The following SIK3 variants were observed in gnomAD, a reference collection of about 807,000 sequenced individuals.
SIK3 encodes the protein serine/threonine-protein kinase SIK3.
In SIK3, 28 loss-of-function variants were observed where a neutral mutation model predicts 144.2. The ratio of observed to expected loss-of-function variants is 0.19; its 90% confidence interval spans 0.14 to 0.27. SIK3 has a LOEUF of 0.27. SIK3 is among the 10% of genes least tolerant of loss of function. The pLI, the probability that SIK3 is intolerant of heterozygous loss-of-function variation, is 1.00. For missense variants in SIK3, 1,319 were observed against 1,776.0 expected (o/e 0.74, Z 4.62); for synonymous variants, 686 against 676.3 (o/e 1.01, Z -0.22).
At chr11:116,924,419 A>G (rs1213849281) in intron 4 of SIK3, among the ~76,000 whole-genome samples, 2 of 152,184 alleles carry the variant, frequency 1.3e-5, no homozygotes, top group African/African-American at 4.8e-5. Context: ...GGAAAATAAA[A>G]CTAGAGAATA....
intron 1 of SIK3, among the ~76,000 whole-genome samples, chr11:117,084,635 G>A (rs1350814849): frequency 6.6e-6 from 1 of 152,032 alleles, no homozygotes. Flanking sequence ...ATTTATACCA[G>A]TTGCTCATTA....
Position 116,846,301 on chromosome 11 carries a change from A to G in SIK3, c.*13+82T>C, listed in dbSNP as rs940349028. ...TGTCGACTGCACTGGCCACCACAAC[A>G]CATGGGCTGAAGCTCCTGATGGGAT... On this transcript the variant is annotated intron_variant, in intron 24 of 24. Transcript: ENST00000445177. This position sits in a 1 kb window ranked among gnomAD's most constrained non-coding sequence, Gnocchi z 4.1. 5 of 1,458,894 alleles carry G rather than the reference A, an allele frequency of 3.4e-6. No individual in the cohort carries two copies. In the African/African-American group the frequency reaches 7.0e-5, roughly 20 times the overall value. 90.4% of individuals were successfully genotyped at this position (1,458,894 alleles called of 1,614,324 possible).
At position 116,858,297 on chromosome 11, in the gene SIK3, TTGCTGCTGC is replaced by T; in HGVS notation, c.3159_3167del (p.Gln1059_Gln1061del). 1.2e-6 allele frequency: 2 copies of T among 1,612,160 alleles called. No individual in the cohort carries two copies. The highest frequency in any genetic ancestry group is 1.1e-5 in the South Asian group (1 of 90,916). On this transcript the variant is annotated inframe_deletion, in exon 21 of 25. Coordinates refer to ENST00000445177, the MANE Select transcript of SIK3 (RefSeq NM_001366686.3). This position sits in a 1 kb window ranked among gnomAD's most constrained non-coding sequence, Gnocchi z 5.4. The stretch of plus-strand genomic sequence containing the variant: ...CCTGGTATTCTTGCTGTTGCTGCTG[TTGCTGCTGC>T]TGCTGCCGTTGTTGCTGCTGCCTTT...
intron 1 of SIK3, among the ~76,000 whole-genome samples, chr11:117,018,320 C>T (rs1179765337): frequency 6.6e-6 from 1 of 152,164 alleles, no homozygotes; most frequent in Non-Finnish European, 1.5e-5. Flanking sequence ...GGGATGAAAA[C>T]AAATCCACAT....
intron 5 of SIK3, 31 bp downstream of exon 5, chr11:116,897,162 C>T: frequency 6.2e-7 from 1 of 1,608,408 alleles, no homozygotes; most frequent in South Asian, 1.1e-5. Context: ...GTAGCTAATG[C>T]TGTGGGGTAT....
chr11:116,913,447 C>T (rs549535095), intron 4 of SIK3, among the ~76,000 whole-genome samples: 4 of 152,058 alleles, frequency 2.6e-5, no homozygotes, highest in African/African-American at 9.6e-5. Flanking sequence ...AGTAATAAAC[C>T]AGTCTTCTCC....
At chr11:116,871,117 CAT>C (rs1297394523) in intron 13 of SIK3, among the ~76,000 whole-genome samples, 3 of 152,174 alleles carry the variant, frequency 2.0e-5, no homozygotes, top group Non-Finnish European at 2.9e-5. Flanking sequence ...CTCGCCAAAA[CAT>C]GTGAGTGAAA....
chr11:116,896,353 C>G lies in SIK3; in HGVS notation c.765G>C (p.Val255=). 1 of 1,613,988 alleles carries G rather than the reference C, an allele frequency of 6.2e-7. No individual in the cohort carries two copies. The highest frequency in any genetic ancestry group is 8.5e-7 in the Non-Finnish European group (1 of 1,179,930). Residue 255 remains valine, a synonymous_variant, in exon 6 of 25, where the codon GTG becomes GTC. Coordinates refer to ENST00000445177, the MANE Select transcript of SIK3 (RefSeq NM_001366686.3). ...DIWSLGVVLY[V]LVCGALPFDG... The stretch of plus-strand genomic sequence containing the variant: ...CAAATGGCAGGGCACCGCACACAAG[C>G]ACGTAGAGGACAACTCCAAGGCTCT...
chr11:117,036,069 T>A, intron 1 of SIK3: 1 of 969,924 alleles, frequency 1.0e-6, no homozygotes, highest in East Asian at 2.5e-5. Flanking sequence ...TGTGGGTAGG[T>A]CATCACCGCC....
At position 116,951,625 on chromosome 11, in the gene SIK3, A is replaced by G. The variant is rs901958251; in HGVS notation, c.454+2419T>C. ...TACATTCACATGAAGTCCAGGACCAAGAAACGGATCTCTCTAATACTGCTT... is the reference window on the plus strand; with the variant it reads ...TACATTCACATGAAGTCCAGGACCAGGAAACGGATCTCTCTAATACTGCTT... On this transcript the variant is annotated intron_variant, in intron 3 of 24. Transcript: ENST00000445177. Among the ~76,000 whole-genome samples, 21 of 152,280 alleles carry G rather than the reference A, an allele frequency of 1.4e-4. No homozygotes were observed. The East Asian group carries it at 3.7e-3, about 27-fold the overall frequency.
chr11:117,027,155 A>G (rs76383990), intron 1 of SIK3, among the ~76,000 whole-genome samples: 3,743 of 152,314 alleles, frequency 0.025, 85 homozygotes, highest in South Asian at 0.11. Flanking sequence ...ACAGCTTTAA[A>G]TGCTCAATCT....
chr11:116,970,846 T>C (rs556513574), intron 1 of SIK3, among the ~76,000 whole-genome samples: 93 of 151,200 alleles, frequency 6.2e-4, no homozygotes, highest in Middle Eastern at 7.1e-3. Flanking sequence ...AGGGTCTTGC[T>C]CTTTTGCCCA....
chr11:117,049,022 A>G (rs572106541), intron 1 of SIK3, among the ~76,000 whole-genome samples: 419 of 152,146 alleles, frequency 2.8e-3, no homozygotes, highest in Non-Finnish European at 4.5e-3. Flanking sequence ...AATTGCTTGA[A>G]CCTGGGAGGC....
intron 1 of SIK3, among the ~76,000 whole-genome samples, chr11:116,983,233 A>G (rs995002761): frequency 6.0e-5 from 9 of 150,386 alleles, no homozygotes; most frequent in Non-Finnish European, 1.3e-4. Flanking sequence ...TCTCAAAAAA[A>G]AAAAAAAAAA....
chr11:117,051,092 A>T (rs377071664), intron 1 of SIK3, among the ~76,000 whole-genome samples: 17 of 152,334 alleles, frequency 1.1e-4, no homozygotes, highest in East Asian at 7.7e-4. Context: ...TGGGCGTCAT[A>T]ATCTGTTTAC....
At chr11:117,023,210 G>C (rs965501067) in intron 1 of SIK3, among the ~76,000 whole-genome samples, 2 of 151,422 alleles carry the variant, frequency 1.3e-5, no homozygotes, top group Non-Finnish European at 2.9e-5. Flanking sequence ...TTGACATGCT[G>C]AACTGTACAA....
At chr11:116,905,030 C>A (rs973833247) in intron 4 of SIK3, 1 of 166,980 alleles carries the variant, frequency 6.0e-6, no homozygotes, top group African/African-American at 2.4e-5. Context: ...AGTGAAAAAA[C>A]CAAAGAAGAA....
intron 1 of SIK3, among the ~76,000 whole-genome samples, chr11:117,091,162 G>A: frequency 6.8e-6 from 1 of 147,040 alleles, no homozygotes; most frequent in Non-Finnish European, 1.5e-5. Flanking sequence ...TGGTCTAAAT[G>A]ACTTTAAAAG....
At chr11:117,076,037 C>G (rs1023210924) in intron 1 of SIK3, among the ~76,000 whole-genome samples, 2 of 151,272 alleles carry the variant, frequency 1.3e-5, no homozygotes, top group African/African-American at 4.9e-5. Context: ...TTAGTAGAGA[C>G]GGGGTTTCAC....
Sources: gnomAD v4.1 joint callset for allele counts (sites outside exome capture counted in the v4.1 genomes callset) on GRCh38, gnomAD v4.1.1 for gene constraint, Gnocchi (gnomAD v3.1) non-coding constraint, MANE v1.5 for transcripts, NCBI Gene and HGNC (gene_info 2026-07-23, HGNC 2026-07-21) for gene names.